The following MACROD2 variants were observed in gnomAD, a reference collection of about 807,000 sequenced individuals.
MACROD2 encodes ADP-ribose glycohydrolase MACROD2.
Under a neutral mutation model 70.4 loss-of-function variants are expected in MACROD2, and 36 were observed. That is an observed-to-expected ratio of 0.51 (90% CI 0.39 to 0.68). The LOEUF (loss-of-function observed/expected upper bound fraction) is 0.68. MACROD2 is among the 30% of genes least tolerant of loss of function. The probability of loss-of-function intolerance (pLI) is 0.00; values close to 1 mark genes in which losing one functional copy is unlikely to be tolerated. For missense variants in MACROD2, 496 were observed against 538.4 expected, an observed-to-expected ratio of 0.92 and a Z score of 0.78; for synonymous variants, 172 against 178.8, an observed-to-expected ratio of 0.96 and a Z score of 0.30.
intron 4 of MACROD2, among the ~76,000 whole-genome samples, chr20:14,571,498 C>T (rs1354395540): frequency 6.6e-6 from 1 of 152,038 alleles, no homozygotes; most frequent in African/African-American, 2.4e-5. Context: ...TAATCTATTT[C>T]CCCAGTCATT....
intron 6 of MACROD2, among the ~76,000 whole-genome samples, chr20:15,336,503 C>G (rs2146200002): frequency 6.6e-6 from 1 of 151,550 alleles, no homozygotes; most frequent in Admixed American, 6.6e-5. Flanking sequence ...TTTGCCTGCA[C>G]CCTCTCATCT....
intron 5 of MACROD2, among the ~76,000 whole-genome samples, chr20:14,874,808 G>T (rs1302980857): frequency 1.3e-5 from 2 of 151,788 alleles, no homozygotes; most frequent in Non-Finnish European, 2.9e-5. Flanking sequence ...GGGTTCAGAT[G>T]ATCCTCATGC....
chr20:14,529,427 C>CT (rs1474178006), intron 4 of MACROD2, among the ~76,000 whole-genome samples: 6 of 152,170 alleles, frequency 3.9e-5, no homozygotes, highest in African/African-American at 1.4e-4. Context: ...ACCACGACTC[C>CT]TAGACTACCT....
intron 5 of MACROD2, among the ~76,000 whole-genome samples, chr20:14,950,332 A>G (rs1258745584): frequency 6.6e-6 from 1 of 151,858 alleles, no homozygotes; most frequent in East Asian, 1.9e-4. Context: ...AAGAGAGATG[A>G]CTCTTCCACA....
intron 12 of MACROD2, among the ~76,000 whole-genome samples, chr20:15,945,420 A>G (rs2065808125): frequency 2.0e-5 from 3 of 152,288 alleles, no homozygotes; most frequent in Middle Eastern, 6.8e-3. Flanking sequence ...CCATTCTCCT[A>G]TGATAAACAA....
intron 5 of MACROD2, among the ~76,000 whole-genome samples, chr20:14,742,310 CAG>C (rs956455749): frequency 2.0e-5 from 3 of 152,038 alleles, no homozygotes; most frequent in African/African-American, 7.2e-5. Flanking sequence ...ATCTGAGAAA[CAG>C]AGCTTTCTTC....
chr20:15,671,254 T>C (rs2049975876), intron 8 of MACROD2, among the ~76,000 whole-genome samples: 1 of 152,192 alleles, frequency 6.6e-6, no homozygotes, highest in African/African-American at 2.4e-5. Flanking sequence ...AACAGCAAGA[T>C]GGCAAGCCCC....
chr20:14,057,680 AG>A (rs1263610440), intron 2 of MACROD2, among the ~76,000 whole-genome samples: 1 of 152,342 alleles, frequency 6.6e-6, no homozygotes, highest in African/African-American at 2.4e-5. Context: ...CAACTTCGAT[AG>A]GAATTCATGC....
chr20:15,905,503 T>G (rs1454499555), intron 10 of MACROD2, among the ~76,000 whole-genome samples: 10 of 152,190 alleles, frequency 6.6e-5, no homozygotes, highest in Admixed American at 6.5e-4. Context: ...GTGTTTGCCT[T>G]TGTTTTGTTG....
At chr20:14,371,832 T>C (rs111251695) in intron 3 of MACROD2, among the ~76,000 whole-genome samples, 197 of 152,116 alleles carry the variant, frequency 1.3e-3, no homozygotes, top group African/African-American at 3.7e-3. Context: ...CTTTTCTTTT[T>C]TTTTGAAGAA....
intron 8 of MACROD2, among the ~76,000 whole-genome samples, chr20:15,653,033 C>A (rs1344955631): frequency 1.3e-5 from 2 of 152,240 alleles, no homozygotes; most frequent in African/African-American, 4.8e-5. Context: ...TAGGAAAGAT[C>A]TAAAAGATAA....
intron 3 of MACROD2, among the ~76,000 whole-genome samples, chr20:14,209,718 C>T (rs566997844): frequency 6.6e-6 from 1 of 152,190 alleles, no homozygotes; most frequent in South Asian, 2.1e-4. Flanking sequence ...GCATCCGAGC[C>T]AGACATAAGA....
At chr20:14,498,395 A>G (rs573089868) in intron 4 of MACROD2, among the ~76,000 whole-genome samples, 1 of 152,386 alleles carries the variant, frequency 6.6e-6, no homozygotes, top group African/African-American at 2.4e-5. Flanking sequence ...TCTAAACACA[A>G]GCACACATAT....
intron 6 of MACROD2, among the ~76,000 whole-genome samples, chr20:15,253,756 T>C (rs1338480820): frequency 2.0e-5 from 3 of 152,192 alleles, no homozygotes; most frequent in Non-Finnish European, 2.9e-5. Flanking sequence ...TATTCTTGCT[T>C]AGTGAAGAGA....
intron 3 of MACROD2, among the ~76,000 whole-genome samples, chr20:14,312,104 C>G (rs569132971): frequency 6.6e-6 from 1 of 152,202 alleles, no homozygotes; most frequent in East Asian, 1.9e-4. Context: ...ATATTCTTCT[C>G]CGGTTCTGTG....
At chr20:15,485,846 T>C (rs2047156578) in intron 7 of MACROD2, among the ~76,000 whole-genome samples, 1 of 152,124 alleles carries the variant, frequency 6.6e-6, no homozygotes, top group Non-Finnish European at 1.5e-5. Flanking sequence ...GGGTAAAACT[T>C]AGAAATCCAA....
At chr20:15,089,516 CTT>C (rs1362569834) in intron 5 of MACROD2, among the ~76,000 whole-genome samples, 2 of 152,116 alleles carry the variant, frequency 1.3e-5, no homozygotes, top group African/African-American at 4.8e-5. Context: ...CATGTCAACT[CTT>C]TTATCTGATT....
At chr20:15,215,726 C>T (rs1333144365) in intron 5 of MACROD2, among the ~76,000 whole-genome samples, 7 of 151,852 alleles carry the variant, frequency 4.6e-5, no homozygotes, top group African/African-American at 1.7e-4. Flanking sequence ...AAAATAATTA[C>T]ATATGACAAA....
intron 15 of MACROD2, among the ~76,000 whole-genome samples, chr20:16,005,908 C>G (rs1323735668): frequency 6.6e-6 from 1 of 152,202 alleles, no homozygotes; most frequent in African/African-American, 2.4e-5. Flanking sequence ...ACACCACCAG[C>G]AGATGGTTTG....
Sources: allele counts gnomAD v4.1 joint callset (sites outside exome capture counted in the v4.1 genomes callset), GRCh38; gene constraint gnomAD v4.1.1; transcripts MANE v1.5; gene names NCBI Gene and HGNC (gene_info 2026-07-23, HGNC 2026-07-21).